Variants in EPB41L5 observed in about 807,000 individuals in gnomAD.
EPB41L5 encodes erythrocyte membrane protein band 4.1 like 5, also known as band 4.1-like protein 5.
EPB41L5 carries 55 observed loss-of-function variants against 106.6 expected under a neutral mutation model. That is an observed-to-expected ratio of 0.52 (90% CI 0.42 to 0.65). EPB41L5 has a LOEUF of 0.65. Ranked by LOEUF, EPB41L5 falls within the 30% of genes least tolerant of loss-of-function variation. The pLI is 0.00. For synonymous variants in EPB41L5, 297 were observed against 306.7 expected (o/e 0.97, Z 0.33); for missense variants, 871 against 882.1 (o/e 0.99, Z 0.16).
At chr2:120,026,297 A>G (rs919769133) in intron 2 of EPB41L5, among the ~76,000 whole-genome samples, 2 of 152,252 alleles carry the variant, frequency 1.3e-5, no homozygotes, top group Non-Finnish European at 2.9e-5. Context: ...TGAGATATCC[A>G]TCACCTCAAA....
chr2:120,090,498 G>A lies in EPB41L5; in HGVS notation c.1025G>A (p.Gly342Glu). The change falls in exon 12 of 25, where the codon GGA becomes GAA. Residue 342 changes from glycine (G) to glutamate (E), a missense_variant. By Grantham distance (98) the Gly-to-Glu change is moderately conservative. Transcript: ENST00000263713. ...CATCGATCAGGATTTATTCGACTAGGATCACGATTTAGATATAGGTTAATT... is the reference window on the plus strand; with the variant it reads ...CATCGATCAGGATTTATTCGACTAGAATCACGATTTAGATATAGGTTAATT... ...SSHRSGFIRL[G>E]SRFRYSGKTE... is the part of the protein sequence containing the mutation. The A allele has an allele frequency of 6.2e-7, 1 of 1,612,038 alleles. No individual in the cohort carries two copies. The highest frequency in any genetic ancestry group is 1.1e-5 in the South Asian group (1 of 90,600).
chr2:120,140,169 G>A (rs1378797992), intron 18 of EPB41L5, among the ~76,000 whole-genome samples: 1 of 151,964 alleles, frequency 6.6e-6, no homozygotes, highest in African/African-American at 2.4e-5. Flanking sequence ...GAGGGTGTGG[G>A]GAAAAGTGGG....
chr2:120,077,291 A>G lies in EPB41L5; in HGVS notation c.689A>G (p.Tyr230Cys). The G allele has an allele frequency of 2.5e-6, 4 of 1,612,098 alleles. No homozygotes were observed. The highest frequency in any genetic ancestry group is 3.4e-6 in the Non-Finnish European group (4 of 1,178,714). ...YLNKAKWLEM[Y>C]GVDMHVVKAR... ...AATAAAGCCAAATGGCTAGAAATGT[A>G]TGGGGTTGATATGCATGTGGTCAAG... Residue 230 changes from tyrosine to cysteine, a missense_variant, in exon 9 of 25, where the codon TAT becomes TGT. By Grantham distance (194) the Tyr-to-Cys change is radical. Coordinates refer to ENST00000263713, the MANE Select transcript of EPB41L5 (RefSeq NM_020909.4).
At chr2:120,136,443 A>C (rs894677486) in intron 18 of EPB41L5, among the ~76,000 whole-genome samples, 1 of 151,142 alleles carries the variant, frequency 6.6e-6, no homozygotes, top group Non-Finnish European at 1.5e-5. Context: ...TAAACTCTCC[A>C]ATCAAAACAC....
intron 5 of EPB41L5, 43 bp from the exon 6 acceptor site, chr2:120,075,433 G>T (rs370333545): frequency 2.8e-6 from 4 of 1,414,968 alleles, no homozygotes; most frequent in South Asian, 1.2e-5. Flanking sequence ...TTTCACAGTC[G>T]ATTGTGCTGT....
In EPB41L5 at chr2:120,131,796, C is replaced by A. The variant is rs1312792702; in HGVS notation, c.1599+81C>A. ...ATTTTCTTTCCAAAGACAGTACTTTCTTTTTTCTTTAGCTGGGAAATCTGT... is the reference window on the plus strand; with the variant it reads ...ATTTTCTTTCCAAAGACAGTACTTTATTTTTTCTTTAGCTGGGAAATCTGT... On this transcript the variant is annotated intron_variant, in intron 18 of 24. Transcript: ENST00000263713. 1.5e-5 allele frequency: 16 copies of A among 1,042,980 alleles called. No homozygotes were observed. In the East Asian group the frequency reaches 3.9e-4, roughly 26 times the overall value. 64.6% of individuals were successfully genotyped at this position (1,042,980 alleles called of 1,614,324 possible).
chr2:120,156,355 C>T (rs895436028), intron 20 of EPB41L5, among the ~76,000 whole-genome samples: 9 of 152,168 alleles, frequency 5.9e-5, no homozygotes, highest in African/African-American at 1.2e-4. Context: ...GCGGTCCCCA[C>T]GGCCATGCAC....
At chr2:120,083,633 A>C (rs759049684) in intron 10 of EPB41L5, among the ~76,000 whole-genome samples, 22 of 152,132 alleles carry the variant, frequency 1.4e-4, no homozygotes, top group Non-Finnish European at 2.5e-4. Context: ...CTTGATGCAG[A>C]GCTGAGTTCA....
chr2:120,078,102 A>G (rs983561664), intron 9 of EPB41L5, among the ~76,000 whole-genome samples: 2 of 152,156 alleles, frequency 1.3e-5, no homozygotes. Context: ...CTCCTCCAAT[A>G]CTGGGGATTA....
Position 120,156,171 on chromosome 2 carries a change from C to T in EPB41L5, c.1794-4710C>T, listed in dbSNP as rs73952055. Among the ~76,000 whole-genome samples the T allele has an allele frequency of 5.2e-3, 795 of 152,244 alleles. 4 individuals carry two copies. The highest frequency in any genetic ancestry group is 0.018 in the African/African-American group (764 of 41,538). On this transcript the variant is annotated intron_variant, in intron 20 of 24. Transcript: ENST00000263713. ...ACTATCAGACCTGAACTCTGCAGGGCGATCTTGTCCATCAGGTAGGGCTGC... is the reference window on the plus strand; with the variant it reads ...ACTATCAGACCTGAACTCTGCAGGGTGATCTTGTCCATCAGGTAGGGCTGC...
In EPB41L5 at chr2:120,143,147, T is replaced by C. The variant is rs748536801; in HGVS notation, c.1728+16T>C. On this transcript the variant is annotated intron_variant, in intron 19 of 24. Transcript: ENST00000263713. Reference sequence around the variant, plus strand: ...AGTGCATAAGGTAAGCTGCCTTTGATAGATAGCCCTGGTGAAGTGAAATGA... The same window carrying C: ...AGTGCATAAGGTAAGCTGCCTTTGACAGATAGCCCTGGTGAAGTGAAATGA... 14 of 1,559,824 alleles carry C rather than the reference T, an allele frequency of 9.0e-6. No homozygotes were observed. In the South Asian group the frequency reaches 1.4e-4, roughly 15 times the overall value.
At position 120,041,932 on chromosome 2, in the gene EPB41L5, T is replaced by G. The variant is rs543170536; in HGVS notation, c.181-74T>G. 1.5e-3 allele frequency: 1,758 copies of G among 1,146,430 alleles called. 4 individuals are homozygous for G. The highest frequency in any genetic ancestry group is 2.0e-3 in the Non-Finnish European group (1,599 of 788,648). 71.0% of individuals were successfully genotyped at this position (1,146,430 alleles called of 1,614,324 possible). ...CTTTCTTCAAGAGATCTTGTATAAC[T>G]AAAACCTTCTTTTGTTCAGGCTTGT... On this transcript the variant is annotated intron_variant, in intron 2 of 24. Coordinates refer to ENST00000263713, the MANE Select transcript of EPB41L5 (RefSeq NM_020909.4).
intron 19 of EPB41L5, among the ~76,000 whole-genome samples, chr2:120,144,255 C>A (rs1574749914): frequency 6.6e-6 from 1 of 152,126 alleles, no homozygotes; most frequent in East Asian, 1.9e-4. Flanking sequence ...AACCCTTCAA[C>A]CATGTGAGGA....
intron 18 of EPB41L5, among the ~76,000 whole-genome samples, chr2:120,133,410 G>C (rs1160410572): frequency 2.0e-5 from 3 of 152,214 alleles, no homozygotes. Flanking sequence ...CTATGGAGGA[G>C]TGTGGTGCTG....
intron 17 of EPB41L5, among the ~76,000 whole-genome samples, chr2:120,128,290 C>CACACACACACAT (rs1293613053): frequency 6.6e-6 from 1 of 151,652 alleles, no homozygotes; most frequent in Non-Finnish European, 1.5e-5. Context: ...CACACACACA[C>CACACACACACAT]ATTTTTGAAG....
intron 3 of EPB41L5, among the ~76,000 whole-genome samples, chr2:120,058,590 G>T (rs970233717): frequency 2.6e-5 from 4 of 152,154 alleles, no homozygotes; most frequent in African/African-American, 9.7e-5. Flanking sequence ...GAGGGGATGT[G>T]GTGAAGTGGG....
chr2:120,167,103 T>A (rs1474601148), intron 22 of EPB41L5, among the ~76,000 whole-genome samples: 1 of 152,254 alleles, frequency 6.6e-6, no homozygotes, highest in African/African-American at 2.4e-5. Context: ...AAGAAGGCTA[T>A]CATTATTTGT....
At chr2:120,132,983 A>G (rs2105473452) in intron 18 of EPB41L5, among the ~76,000 whole-genome samples, 1 of 152,246 alleles carries the variant, frequency 6.6e-6, no homozygotes, top group South Asian at 2.1e-4. Flanking sequence ...GATATAACTG[A>G]TCCTCTGAGG....
intron 16 of EPB41L5, among the ~76,000 whole-genome samples, chr2:120,114,691 T>G (rs957533577): frequency 5.3e-5 from 8 of 152,246 alleles, no homozygotes; most frequent in African/African-American, 1.7e-4. Flanking sequence ...TACATACTTT[T>G]GAAAATTTTT....
Sources: gnomAD v4.1 joint callset for allele counts (sites outside exome capture counted in the v4.1 genomes callset) on GRCh38, gnomAD v4.1.1 for gene constraint, MANE v1.5 for transcripts, NCBI Gene and HGNC (gene_info 2026-07-23, HGNC 2026-07-21) for gene names.